Variants in MYOF observed in about 807,000 individuals in gnomAD.
The protein encoded by MYOF is fer-1-like 3, myoferlin.
Under a neutral mutation model 284.2 loss-of-function variants are expected in MYOF, and 244 were observed. That is an observed-to-expected ratio of 0.86 (90% CI 0.77 to 0.95). The LOEUF is 0.95. MYOF is among the 40% of genes least tolerant of loss of function. The pLI is 0.00. For missense variants in MYOF, 2,496 were observed against 2,560.6 expected (o/e 0.97, Z 0.54); for synonymous variants, 904 against 919.7 (o/e 0.98, Z 0.31).
At chr10:93,339,097 C>G (rs1342061988) in intron 39 of MYOF, among the ~76,000 whole-genome samples, 1 of 149,686 alleles carries the variant, frequency 6.7e-6, no homozygotes, top group Non-Finnish European at 1.5e-5. Context: ...ACTGCAACCT[C>G]TGCCTTCTGG....
At position 93,354,475 on chromosome 10, in the gene MYOF, T is replaced by G. The variant is rs542434061; in HGVS notation, c.3404-587A>C. On this transcript the variant is annotated intron_variant, in intron 31 of 53. Coordinates refer to ENST00000359263, the MANE Select transcript of MYOF (RefSeq NM_013451.4). ...ACCTTTGTTATAAACTAACTGAATT[T>G]AGGGTACTGCTTATCATCACAGACC... Among the ~76,000 whole-genome samples, 31 of 152,328 alleles carry G rather than the reference T, an allele frequency of 2.0e-4. No homozygotes were observed. The South Asian group carries it at 6.0e-3, about 30-fold the overall frequency.
rs1032027681 is a variant in MYOF, at chr10:93,409,699, G to A, written c.474C>T (p.Asp158=). ...TGGGCCCAGGGCCCCTGACTGCATTGTCCAACCTGTCTTCATCACCTTCAT... is the reference window on the plus strand; with the variant it reads ...TGGGCCCAGGGCCCCTGACTGCATTATCCAACCTGTCTTCATCACCTTCAT... ...EEDEGDEDRL[D]NAVRGPGPKG... Residue 158 remains aspartate, a synonymous_variant, in exon 6 of 54, where the codon GAC becomes GAT. Coordinates refer to ENST00000359263, the MANE Select transcript of MYOF (RefSeq NM_013451.4). 2 of 1,614,130 alleles carry A rather than the reference G, an allele frequency of 1.2e-6. No homozygotes were observed. The highest frequency in any genetic ancestry group is 1.7e-6 in the Non-Finnish European group (2 of 1,180,030).
At chr10:93,308,678 A>T (rs1842243617) in intron 53 of MYOF, among the ~76,000 whole-genome samples, 1 of 151,962 alleles carries the variant, frequency 6.6e-6, no homozygotes, top group Non-Finnish European at 1.5e-5. Context: ...TACTGGGGAA[A>T]AATGAAGACA....
chr10:93,435,272 A>C (rs763902768), intron 3 of MYOF, among the ~76,000 whole-genome samples: 1 of 152,224 alleles, frequency 6.6e-6, no homozygotes, highest in Non-Finnish European at 1.5e-5. Context: ...ACATGCTGGG[A>C]CAATGCTGAA....
chr10:93,310,279 A>AG (rs1842322514), intron 52 of MYOF, 112 bp from the exon 53 acceptor site: 1 of 1,382,000 alleles, frequency 7.2e-7, no homozygotes, highest in Non-Finnish European at 1.0e-6. Context: ...GGTCAAGAAA[A>AG]AATACTGTTC....
chr10:93,321,411 CCTT>C (rs1247104616), intron 48 of MYOF, among the ~76,000 whole-genome samples: 3 of 137,298 alleles, frequency 2.2e-5, no homozygotes, highest in East Asian at 4.0e-4. Flanking sequence ...TGACTATTAA[CCTT>C]TTTTTTTTTT....
intron 25 of MYOF, among the ~76,000 whole-genome samples, chr10:93,368,102 G>A (rs1159034152): frequency 6.6e-6 from 1 of 152,124 alleles, no homozygotes; most frequent in African/African-American, 2.4e-5. Flanking sequence ...CAGAGCTGGA[G>A]GGCAGGTAGA....
At position 93,319,946 on chromosome 10, in the gene MYOF, C is replaced by T; in HGVS notation, c.5524G>A (p.Gly1842Arg). Residue 1842 changes from glycine to arginine, a missense_variant, in exon 49 of 54, where the codon GGG becomes AGG. Gly to Arg is a moderately radical substitution (Grantham distance 125). Transcript: ENST00000359263. ...DVHYRSLDGE[G>R]NFNWRFVFPF... ...AAAACAAATCGCCAGTTAAAATTCC[C>T]TTCACCATCCAAAGATCTGTAATGG... is the stretch of plus-strand genomic sequence containing the variant. 6.2e-7 allele frequency: 1 copy of T among 1,614,188 alleles called. No homozygotes were observed. Among genetic ancestry groups the T allele is most frequent in the Middle Eastern group, 1.6e-4 (1 of 6,062 alleles).
chr10:93,427,597 G>A (rs1848655357), intron 4 of MYOF, among the ~76,000 whole-genome samples: 1 of 150,634 alleles, frequency 6.6e-6, no homozygotes, highest in South Asian at 2.1e-4. Flanking sequence ...CATAAAATAG[G>A]ATAAAAAAAG....
chr10:93,355,763 G>T (rs1844771880), intron 30 of MYOF, 27 bp from the exon 31 acceptor site: 2 of 1,565,442 alleles, frequency 1.3e-6, no homozygotes, highest in Admixed American at 1.7e-5. Flanking sequence ...GAGTCAATTA[G>T]CAGAGAAGTC....
At chr10:93,368,793 G>C (rs1845442288) in intron 25 of MYOF, among the ~76,000 whole-genome samples, 1 of 152,152 alleles carries the variant, frequency 6.6e-6, no homozygotes, top group Admixed American at 6.5e-5. Context: ...TGAGTAGCAG[G>C]AATAGATTTC....
chr10:93,442,041 C>CACACACACAG (rs57700900), intron 3 of MYOF, among the ~76,000 whole-genome samples: 1 of 142,628 alleles, frequency 7.0e-6, no homozygotes, highest in East Asian at 2.0e-4. Flanking sequence ...CACACACACA[C>CACACACACAG]AGAATAAACC....
intron 6 of MYOF, among the ~76,000 whole-genome samples, chr10:93,409,368 A>T (rs1847787902): frequency 6.6e-6 from 1 of 152,176 alleles, no homozygotes; most frequent in African/African-American, 2.4e-5. Flanking sequence ...ATTTCTCTGG[A>T]GACCATCAGC....
chr10:93,420,862 AT>A (rs1457728993), intron 5 of MYOF, among the ~76,000 whole-genome samples: 2 of 152,218 alleles, frequency 1.3e-5, no homozygotes, highest in East Asian at 3.8e-4. Context: ...AAATATATAA[AT>A]CAGAAGAAGC....
Position 93,351,424 on chromosome 10 carries a change from G to A in MYOF, c.3811C>T (p.Leu1271=), listed in dbSNP as rs745779211. The A allele has an allele frequency of 2.8e-5, 45 of 1,614,104 alleles. No individual in the cohort carries two copies. Among genetic ancestry groups the A allele is most frequent in the Non-Finnish European group, 3.8e-5 (45 of 1,180,012 alleles). The change falls in exon 34 of 54, where the codon CTG becomes TTG. Residue 1271 remains leucine (L), a synonymous_variant. Transcript: ENST00000359263. The stretch of plus-strand genomic sequence containing the variant: ...ACACAGCAATGTACCTTGCCCCTCA[G>A]AATCAGCTCTGCAGTTACAAGAACA... The part of the protein sequence containing the change: ...GDVLVTAELI[L]RGKDGSNLPI...
At chr10:93,471,837 C>T (rs1225040478) in intron 1 of MYOF, among the ~76,000 whole-genome samples, 1 of 150,994 alleles carries the variant, frequency 6.6e-6, no homozygotes, top group Non-Finnish European at 1.5e-5. Flanking sequence ...TGCAGTGAGC[C>T]AAGATTGCAC....
At chr10:93,317,326 G>T (rs984430958) in intron 49 of MYOF, among the ~76,000 whole-genome samples, 4 of 147,074 alleles carry the variant, frequency 2.7e-5, no homozygotes, top group African/African-American at 1.0e-4. Context: ...TAGAATGTCT[G>T]GGATTTTTGG....
chr10:93,470,088 G>A (rs1043221914), intron 1 of MYOF, among the ~76,000 whole-genome samples: 2 of 151,798 alleles, frequency 1.3e-5, no homozygotes, highest in African/African-American at 2.4e-5. Context: ...AATTAGCCAA[G>A]CATGATGGTG....
intron 28 of MYOF, among the ~76,000 whole-genome samples, chr10:93,360,544 G>A (rs1845022019): frequency 6.6e-6 from 1 of 152,194 alleles, no homozygotes; most frequent in African/African-American, 2.4e-5. Context: ...TGTGCATCGA[G>A]ATCAGTGAGG....
Sources: allele counts gnomAD v4.1 joint callset (sites outside exome capture counted in the v4.1 genomes callset), GRCh38; gene constraint gnomAD v4.1.1; transcripts MANE v1.5; gene names NCBI Gene and HGNC (gene_info 2026-07-23, HGNC 2026-07-21).